Variants in AGAP1 observed in about 807,000 individuals in gnomAD.
AGAP1 encodes the protein arf-GAP with GTPase, ANK repeat and PH domain-containing protein 1.
Under a neutral mutation model 105.3 loss-of-function variants are expected in AGAP1, and 29 were observed. The ratio of observed to expected loss-of-function variants is 0.28; its 90% confidence interval spans 0.21 to 0.38. AGAP1 has a LOEUF of 0.38. Among genes scored for constraint, AGAP1 ranks in the 10% least tolerant of loss-of-function variants. AGAP1 has a pLI of 1.00. For missense variants in AGAP1, 998 were observed against 1,165.1 expected (o/e 0.86, Z 2.09); for synonymous variants, 509 against 485.9 (o/e 1.05, Z -0.63).
chr2:235,755,049 G>A (rs1347382104), intron 6 of AGAP1, among the ~76,000 whole-genome samples: 1 of 152,164 alleles, frequency 6.6e-6, no homozygotes, highest in Admixed American at 6.5e-5. Context: ...TGGGCTGTGG[G>A]TACCCAACCG....
intron 6 of AGAP1, among the ~76,000 whole-genome samples, chr2:235,778,036 C>T (rs1280201474): frequency 6.6e-6 from 1 of 152,160 alleles, no homozygotes; most frequent in East Asian, 1.9e-4. Flanking sequence ...GAGGCACTCA[C>T]ATTTCTGGCC....
intron 1 of AGAP1, among the ~76,000 whole-genome samples, chr2:235,680,057 C>T (rs143701710): frequency 6.6e-6 from 1 of 152,216 alleles, no homozygotes; most frequent in African/African-American, 2.4e-5. Flanking sequence ...GATAATGTTA[C>T]AAACTTAGAT....
chr2:235,807,457 C>T, intron 9 of AGAP1, 126 bp downstream of exon 9: 1 of 726,176 alleles, frequency 1.4e-6, no homozygotes, highest in Middle Eastern at 3.2e-4. Flanking sequence ...AGAAGTCTCT[C>T]ACTTGACATC....
At chr2:236,025,932 A>ATGGATGGG (rs1334765489) in intron 13 of AGAP1, among the ~76,000 whole-genome samples, 1 of 151,932 alleles carries the variant, frequency 6.6e-6, no homozygotes, top group African/African-American at 2.4e-5. Context: ...GGATGGATGG[A>ATGGATGGG]TGGATGGATG....
At chr2:235,646,507 T>A (rs1238940985) in intron 1 of AGAP1, among the ~76,000 whole-genome samples, 2 of 152,168 alleles carry the variant, frequency 1.3e-5, no homozygotes, top group Non-Finnish European at 2.9e-5. Flanking sequence ...CTTGCAGCCT[T>A]GTGAAGCCTC....
In AGAP1 at chr2:235,611,491, T is replaced by C. The variant is rs1039805193; in HGVS notation, c.164-97688T>C. 6.6e-6 allele frequency among the ~76,000 whole-genome samples: 1 copy of C among 152,068 alleles called. No homozygotes were observed. The highest frequency in any genetic ancestry group is 2.4e-5 in the African/African-American group (1 of 41,400). On this transcript the variant is annotated intron_variant, in intron 1 of 17. Transcript: ENST00000304032. This position sits in a 1 kb window ranked among gnomAD's most constrained non-coding sequence, Gnocchi z 5.0. ...TGCACACATCTGTGATAACATGGGG[T>C]GGGTGGTTCTGATTCCTGTTTTGAG...
rs546407960 is a variant in AGAP1, at chr2:235,658,847, C to T, written c.164-50332C>T. On this transcript the variant is annotated intron_variant, in intron 1 of 17. Transcript: ENST00000304032. ...AGCCTTGAGTTTTCGGCACCCTCCCCCTCGGAATACCCGTGAGGGACCTTC... is the reference window on the plus strand; with the variant it reads ...AGCCTTGAGTTTTCGGCACCCTCCCTCTCGGAATACCCGTGAGGGACCTTC... 2.6e-5 allele frequency among the ~76,000 whole-genome samples: 4 copies of T among 152,318 alleles called. No homozygotes were observed. The South Asian group carries it at 8.3e-4, about 32-fold the overall frequency.
rs1191752156 is a variant in AGAP1 at position 235,751,620 on chromosome 2, A to AT, written c.673+1134dup. Among the ~76,000 whole-genome samples the AT allele has an allele frequency of 6.6e-6, 1 of 152,204 alleles. No homozygotes were observed. Among genetic ancestry groups the AT allele is most frequent in the African/African-American group, 2.4e-5 (1 of 41,440 alleles). On this transcript the variant is annotated intron_variant, in intron 6 of 17. Transcript: ENST00000304032. This position sits in a 1 kb window ranked among gnomAD's most constrained non-coding sequence, Gnocchi z 5.3. ...AGATGAAATTGTAGGGATTCTGTAC[A>AT]TTCACTGTTCAACTCAGTTTCAAAG...
chr2:236,096,258 C>T lies in AGAP1; in HGVS notation c.2115-23934C>T, dbSNP rs766098270. Among the ~76,000 whole-genome samples the T allele has an allele frequency of 1.1e-4, 17 of 152,094 alleles. No individual in the cohort carries two copies. The highest frequency in any genetic ancestry group is 3.9e-4 in the East Asian group (2 of 5,170). ...GCTCACGCCTGTAATCCCAGCACTT[C>T]GGGAGGCCAAGGCGGGGGAATCCCT... is the stretch of plus-strand genomic sequence containing the variant. On this transcript the variant is annotated intron_variant, in intron 16 of 17. Coordinates refer to ENST00000304032, the MANE Select transcript of AGAP1 (RefSeq NM_001037131.3). This position sits in a 1 kb window ranked among gnomAD's most constrained non-coding sequence, Gnocchi z 4.4.
At chr2:235,670,318 C>G in intron 1 of AGAP1, 1 of 473,638 alleles carries the variant, frequency 2.1e-6, no homozygotes, top group Non-Finnish European at 3.7e-6. Flanking sequence ...AGGAGGAGGC[C>G]GAGGAGGCGG....
rs2049474939 is a variant in AGAP1, at chr2:235,872,074, G to T, written c.1051-11271G>T. ...ATTGCAGTTGATGAAATATGCAGTT[G>T]TGAATACTGAGAGATTGGTATTCAT... On this transcript the variant is annotated intron_variant, in intron 9 of 17. Transcript: ENST00000304032. The surrounding 1 kb of genome is among the most constrained non-coding windows in gnomAD (Gnocchi z 4.5). Among the ~76,000 whole-genome samples, 1 of 152,020 alleles carries T rather than the reference G, an allele frequency of 6.6e-6. No homozygotes were observed.
At chr2:236,063,019 C>T (rs113679391) in intron 16 of AGAP1, among the ~76,000 whole-genome samples, 1,824 of 152,180 alleles carry the variant, frequency 0.012, 40 homozygotes, top group African/African-American at 0.042. Context: ...GGATCCTGGC[C>T]TCCAGTGATC....
chr2:236,093,041 C>T (rs1450821816), intron 16 of AGAP1, among the ~76,000 whole-genome samples: 2 of 152,242 alleles, frequency 1.3e-5, no homozygotes, highest in Non-Finnish European at 1.5e-5. Context: ...GGGTCCACGA[C>T]GATACTCCAG....
Position 235,867,881 on chromosome 2 carries a change from C to A in AGAP1, c.1051-15464C>A, listed in dbSNP as rs2049258183. Among the ~76,000 whole-genome samples, 1 of 152,080 alleles carries A rather than the reference C, an allele frequency of 6.6e-6. No individual in the cohort carries two copies. Among genetic ancestry groups the A allele is most frequent in the Non-Finnish European group, 1.5e-5 (1 of 68,024 alleles). On this transcript the variant is annotated intron_variant, in intron 9 of 17. Coordinates refer to ENST00000304032, the MANE Select transcript of AGAP1 (RefSeq NM_001037131.3). This position sits in a 1 kb window ranked among gnomAD's most constrained non-coding sequence, Gnocchi z 5.4. ...TGATGACATTCCATCCACCCACCAC[C>A]CACCCAGATGCGCTTCTCTAGTTTT...
In AGAP1 at chr2:235,601,181, A is replaced by C. The variant is rs1945719117; in HGVS notation, c.163+106332A>C. Among the ~76,000 whole-genome samples, 1 of 152,196 alleles carries C rather than the reference A, an allele frequency of 6.6e-6. No homozygotes were observed. Among genetic ancestry groups the C allele is most frequent in the Admixed American group, 6.5e-5 (1 of 15,284 alleles). On this transcript the variant is annotated intron_variant, in intron 1 of 17. Transcript: ENST00000304032. The surrounding 1 kb of genome is among the most constrained non-coding windows in gnomAD (Gnocchi z 4.4). ...GAAGTGTATTTGCTCAGTTTGTAGAAGTTGAAAGTCCAAGGTCAAGGTGGC... is the reference window on the plus strand; with the variant it reads ...GAAGTGTATTTGCTCAGTTTGTAGACGTTGAAAGTCCAAGGTCAAGGTGGC...
intron 9 of AGAP1, among the ~76,000 whole-genome samples, chr2:235,808,312 CT>C (rs1421794672): frequency 7.9e-5 from 12 of 152,228 alleles, no homozygotes; most frequent in Non-Finnish European, 1.6e-4. Context: ...CTGCGGGCAC[CT>C]ACACAGCATC....
chr2:235,755,836 T>A (rs1953880680), intron 6 of AGAP1, among the ~76,000 whole-genome samples: 1 of 152,206 alleles, frequency 6.6e-6, no homozygotes, highest in Non-Finnish European at 1.5e-5. Flanking sequence ...ACAGAGTGTG[T>A]GTCTGACATG....
chr2:235,805,528 C>CT (rs1258558574), intron 8 of AGAP1, among the ~76,000 whole-genome samples: 1 of 152,030 alleles, frequency 6.6e-6, no homozygotes, highest in Non-Finnish European at 1.5e-5. Context: ...CCAAAGTACT[C>CT]TTAAATATTT....
chr2:235,540,432 C>T (rs982702487), intron 1 of AGAP1, among the ~76,000 whole-genome samples: 1 of 152,128 alleles, frequency 6.6e-6, no homozygotes, highest in African/African-American at 2.4e-5. Context: ...GGATTACAGG[C>T]GTGAGCCATC....
Sources: allele counts gnomAD v4.1 joint callset (sites outside exome capture counted in the v4.1 genomes callset), GRCh38; gene constraint gnomAD v4.1.1; non-coding constraint Gnocchi (gnomAD v3.1); transcripts MANE v1.5; gene names NCBI Gene and HGNC (gene_info 2026-07-23, HGNC 2026-07-21).